LYRM4: variants seen among roughly 807,000 people sequenced by gnomAD.
LYRM4 encodes the protein LYR motif containing 4.
Under a neutral mutation model 11.7 loss-of-function variants are expected in LYRM4, and 9 were observed. That is an observed-to-expected ratio of 0.77 (90% CI 0.46 to 1.34). The LOEUF (loss-of-function observed/expected upper bound fraction) is 1.34. Ranked by LOEUF, LYRM4 falls within the 40% of genes most tolerant of loss-of-function variation. LYRM4 has a pLI of 0.00. For missense variants in LYRM4, 133 were observed against 112.5 expected, an observed-to-expected ratio of 1.18 and a Z score of -0.82; for synonymous variants, 42 against 40.4, an observed-to-expected ratio of 1.04 and a Z score of -0.15.
intron 2 of LYRM4, among the ~76,000 whole-genome samples, chr6:5,114,411 C>T (rs1763028216): frequency 6.6e-6 from 1 of 152,172 alleles, no homozygotes; most frequent in African/African-American, 2.4e-5. Flanking sequence ...CACAGCTAAA[C>T]CAATCCTTAC....
the LYRM4 span, among the ~76,000 whole-genome samples, chr6:5,045,339 A>C: frequency 1.3e-5 from 2 of 152,248 alleles, no homozygotes; most frequent in African/African-American, 2.4e-5. Flanking sequence ...TGAGGACACT[A>C]TGCTAAGTGA....
At chr6:5,076,744 C>G in the LYRM4 span, among the ~76,000 whole-genome samples, 3 of 152,310 alleles carry the variant, frequency 2.0e-5, no homozygotes, top group South Asian at 6.2e-4. Flanking sequence ...TGTTGGAGAT[C>G]TTAGAATGTC....
At chr6:5,197,144 A>AG (rs1430224747) in intron 2 of LYRM4, among the ~76,000 whole-genome samples, 2 of 152,222 alleles carry the variant, frequency 1.3e-5, no homozygotes, top group Non-Finnish European at 2.9e-5. Context: ...ATGAGCATCT[A>AG]GTCAACAGGA....
intron 2 of LYRM4, among the ~76,000 whole-genome samples, chr6:5,138,329 C>T (rs1390373710): frequency 2.0e-5 from 3 of 151,470 alleles, no homozygotes; most frequent in Admixed American, 2.0e-4. Context: ...ACAAACAATA[C>T]AGAAACTAAC....
the LYRM4 span, among the ~76,000 whole-genome samples, chr6:5,083,012 T>C: frequency 1.3e-4 from 20 of 152,262 alleles, no homozygotes; most frequent in African/African-American, 4.1e-4. Flanking sequence ...TGTATAGTGT[T>C]GGCCCCTCCC....
rs190644502 is a variant in LYRM4, at chr6:5,148,391, C to G, written c.208-38900G>C. ...TATGAGCCTCAAGGCTATGTGACACCCACAGATCAGCAGGGTATGCAGGAC... is the reference window on the plus strand; with the variant it reads ...TATGAGCCTCAAGGCTATGTGACACGCACAGATCAGCAGGGTATGCAGGAC... On this transcript the variant is annotated intron_variant, in intron 2 of 2. Transcript: ENST00000330636. 7 of 14,196 alleles carry G rather than the reference C, an allele frequency of 4.9e-4. 1 individual carries two copies. The highest frequency in any genetic ancestry group is 1.8e-3 in the Middle Eastern group (3 of 1,658). The allele number at this position is 14,196 out of a possible 1,614,324, so 0.9% of individuals were successfully genotyped here. A position where few individuals can be genotyped will look rare whatever the true frequency, so the allele number is the denominator to read the frequency against.
intron 2 of LYRM4, among the ~76,000 whole-genome samples, chr6:5,129,932 G>T (rs1763873343): frequency 6.6e-6 from 1 of 152,200 alleles, no homozygotes; most frequent in Admixed American, 6.5e-5. Flanking sequence ...TGGACGGGTG[G>T]GAAGGCAGCT....
intron 2 of LYRM4, among the ~76,000 whole-genome samples, chr6:5,166,214 C>T (rs1018011674): frequency 6.6e-6 from 1 of 152,198 alleles, no homozygotes; most frequent in Non-Finnish European, 1.5e-5. Flanking sequence ...GTAACTATCA[C>T]TACAAATAGA....
chr6:5,211,769 A>G (rs1175004163), intron 2 of LYRM4, among the ~76,000 whole-genome samples: 1 of 152,194 alleles, frequency 6.6e-6, no homozygotes, highest in Non-Finnish European at 1.5e-5. Flanking sequence ...TTATCTTCTT[A>G]CTGCACAATT....
rs1478461173 is a variant in LYRM4 at position 5,108,816 on chromosome 6, G to T, written c.*607C>A. 1.7e-5 allele frequency: 17 copies of T among 986,042 alleles called. No individual in the cohort carries two copies. Among genetic ancestry groups the T allele is most frequent in the Non-Finnish European group, 2.0e-5 (17 of 830,260 alleles). 61.1% of individuals were successfully genotyped at this position (986,042 alleles called of 1,614,324 possible). A position where few individuals can be genotyped will look rare whatever the true frequency, so the allele number is the denominator to read the frequency against. On this transcript the variant is annotated 3_prime_UTR_variant, in exon 3 of 3. Coordinates refer to ENST00000330636, the MANE Select transcript of LYRM4 (RefSeq NM_020408.6). ...CTGATCTGCAGTGCTCCATCTCTGGGTGTGTACCTACACACCCGTCACCTT... is the reference window on the plus strand; with the variant it reads ...CTGATCTGCAGTGCTCCATCTCTGGTTGTGTACCTACACACCCGTCACCTT...
intron 1 of LYRM4, among the ~76,000 whole-genome samples, chr6:5,245,847 G>A (rs539822540): frequency 1.3e-5 from 2 of 152,332 alleles, no homozygotes; most frequent in Admixed American, 1.3e-4. Context: ...GGGACAGCAT[G>A]AGCACCAGGG....
Position 5,259,091 on chromosome 6 carries a change from T to G in LYRM4, c.86+1557A>C, listed in dbSNP as rs192318407. On this transcript the variant is annotated intron_variant, in intron 1 of 2. Transcript: ENST00000330636. The stretch of plus-strand genomic sequence containing the variant: ...AGATTGAGAGACTTGTCCAAGTTAG[T>G]CTTCGAGGGCTCCACCTTGACTTTC... Among the ~76,000 whole-genome samples, 1,272 of 149,004 alleles carry G rather than the reference T, an allele frequency of 8.5e-3. 19 individuals are homozygous for G. Among genetic ancestry groups the G allele is most frequent in the African/African-American group, 0.031 (1,214 of 39,684 alleles).
chr6:5,187,453 G>A (rs1456148812), intron 2 of LYRM4, among the ~76,000 whole-genome samples: 1 of 152,208 alleles, frequency 6.6e-6, no homozygotes, highest in Non-Finnish European at 1.5e-5. Context: ...ACACTGTGGA[G>A]TATTTGACCA....
chr6:5,151,296 G>A (rs1212643239), intron 2 of LYRM4, among the ~76,000 whole-genome samples: 1 of 152,050 alleles, frequency 6.6e-6, no homozygotes, highest in Non-Finnish European at 1.5e-5. Flanking sequence ...TGTTGGCCAG[G>A]ATGGTCTCTA....
Position 5,108,627 on chromosome 6 carries a change from G to A in LYRM4, c.*796C>T. 2.5e-6 allele frequency: 1 copy of A among 394,056 alleles called. No homozygotes were observed. Among genetic ancestry groups the A allele is most frequent in the Non-Finnish European group, 3.5e-6 (1 of 289,010 alleles). 24.4% of individuals were successfully genotyped at this position (394,056 alleles called of 1,614,324 possible). A position where few individuals can be genotyped will look rare whatever the true frequency, so the allele number is the denominator to read the frequency against. On this transcript the variant is annotated 3_prime_UTR_variant, in exon 3 of 3. Coordinates refer to ENST00000330636, the MANE Select transcript of LYRM4 (RefSeq NM_020408.6). ...GCTCTCCAACTCTCCAGGTGCTTCT[G>A]TCCACCAGCCAGATTTGGGCACCGG...
intron 2 of LYRM4, among the ~76,000 whole-genome samples, chr6:5,116,154 G>A (rs545786989): frequency 6.6e-6 from 1 of 152,170 alleles, no homozygotes; most frequent in East Asian, 1.9e-4. Flanking sequence ...TGACTACAGA[G>A]TGCTCTGATG....
In LYRM4 at chr6:5,109,391, C is replaced by T. The variant is rs1468780537; in HGVS notation, c.*32G>A. 3.1e-6 allele frequency: 5 copies of T among 1,613,460 alleles called. No individual in the cohort carries two copies. Among genetic ancestry groups the T allele is most frequent in the Admixed American group, 1.7e-5 (1 of 59,996 alleles). ...AGAGAGTGGATGCTGAAGGTGGTCCCTGGCCGCCACTGGTGGCTGGTCCCC... is the reference window on the plus strand; with the variant it reads ...AGAGAGTGGATGCTGAAGGTGGTCCTTGGCCGCCACTGGTGGCTGGTCCCC... On this transcript the variant is annotated 3_prime_UTR_variant, in exon 3 of 3. Coordinates refer to ENST00000330636, the MANE Select transcript of LYRM4 (RefSeq NM_020408.6).
At chr6:5,121,362 T>TGCGTGGG (rs1243862873) in intron 2 of LYRM4, among the ~76,000 whole-genome samples, 2 of 152,150 alleles carry the variant, frequency 1.3e-5, no homozygotes, top group Non-Finnish European at 2.9e-5. Flanking sequence ...TTATGCGTGA[T>TGCGTGGG]TTCTATCTGC....
downstream of LYRM4, chr6:5,104,988 T>G (rs937548880): frequency 6.6e-6 from 1 of 152,202 alleles, no homozygotes; most frequent in African/African-American, 2.4e-5. Flanking sequence ...CTGAAGATAT[T>G]TGTGGAAATG....
Sources: allele counts gnomAD v4.1 joint callset (sites outside exome capture counted in the v4.1 genomes callset), GRCh38; gene constraint gnomAD v4.1.1; transcripts MANE v1.5; gene names NCBI Gene and HGNC (gene_info 2026-07-23, HGNC 2026-07-21).